MLX: variants seen among roughly 807,000 people sequenced by gnomAD.
MLX encodes MAX dimerization protein MLX.
Under a neutral mutation model 33.0 loss-of-function variants are expected in MLX, and 15 were observed. That is an observed-to-expected ratio of 0.45 (90% confidence interval 0.30 to 0.70). The LOEUF is 0.70. Among genes scored for constraint, MLX ranks in the 30% least tolerant of loss-of-function variants. The pLI is 0.07. For missense variants in MLX, 285 were observed against 306.3 expected (o/e 0.93, Z 0.52); for synonymous variants, 115 against 115.6 (o/e 0.99, Z 0.03).
chr17:42,569,125 G>A, intron 4 of MLX, 79 bp from the exon 5 acceptor site: 1 of 1,405,304 alleles, frequency 7.1e-7, no homozygotes, highest in Non-Finnish European at 1.0e-6. Context: ...CATAGAACTT[G>A]GTGTCATGGA....
At chr17:42,571,138 C>CTT (rs928314305) in intron 7 of MLX, among the ~76,000 whole-genome samples, 5,760 of 130,380 alleles carry the variant, frequency 0.044, 537 homozygotes, top group African/African-American at 0.16. Context: ...TTCCTGGGGG[C>CTT]TTTTTTTTTT....
chr17:42,567,389 A>AT, intron 1 of MLX: 1 of 1,404,212 alleles, frequency 7.1e-7, no homozygotes, highest in Non-Finnish European at 9.4e-7. Flanking sequence ...GGGGTGGAGT[A>AT]GGGGCGGAAG....
chr17:42,568,656 G>A (rs2093018913), intron 3 of MLX, 97 bp downstream of exon 3: 2 of 1,235,434 alleles, frequency 1.6e-6, no homozygotes, highest in Admixed American at 1.7e-5. Context: ...CCACACAGGG[G>A]TGCTGGAGCC....
rs182491703 is a variant in MLX at position 42,572,321 on chromosome 17, A to C, written c.*718A>C. On this transcript the variant is annotated 3_prime_UTR_variant, in exon 8 of 8. Coordinates refer to ENST00000435881, the MANE Select transcript of MLX (RefSeq NM_198204.2). ...GTATAACACAGCACTACATATTGGA[A>C]ATTTTTTATTTTTCTAAATACCAAT... 1 of 453,854 alleles carries C rather than the reference A, an allele frequency of 2.2e-6. No homozygotes were observed. The highest frequency in any genetic ancestry group is 6.9e-5 in the East Asian group (1 of 14,512). The allele number at this position is 453,854 out of a possible 1,614,324, so 28.1% of individuals were successfully genotyped here. A position where few individuals can be genotyped will look rare whatever the true frequency, so the allele number is the denominator to read the frequency against.
In MLX at chr17:42,571,570, C is replaced by T. The variant is rs531459737; in HGVS notation, c.702C>T (p.Gly234=). The T allele has an allele frequency of 5.6e-5, 91 of 1,614,130 alleles. 1 individual carries two copies. The South Asian group carries it at 8.2e-4, about 15-fold the overall frequency. Reference sequence around the variant, plus strand: ...AGACCCTGCGGGAGATTGTGATTGGCGTCCTGCACCAATTGAAAAACCAGC... The same window carrying T: ...AGACCCTGCGGGAGATTGTGATTGGTGTCCTGCACCAATTGAAAAACCAGC... ...KPQTLREIVI[G]VLHQLKNQLY The change falls in exon 8 of 8, where the codon GGC becomes GGT. Residue 234 remains glycine (G), a synonymous_variant. Coordinates refer to ENST00000435881, the MANE Select transcript of MLX (RefSeq NM_198204.2).
intron 7 of MLX, 42 bp from the exon 8 acceptor site, chr17:42,571,505 G>C (rs369535220): frequency 5.0e-6 from 8 of 1,604,824 alleles, no homozygotes; most frequent in Non-Finnish European, 6.8e-6. Context: ...ACTCTGCGTT[G>C]ACTTGGGCAT....
intron 2 of MLX, chr17:42,568,121 G>C (rs942869432): frequency 3.5e-5 from 7 of 199,034 alleles, no homozygotes; most frequent in Non-Finnish European, 6.3e-5. Context: ...CAGCACTTTG[G>C]GAGGCCGAGG....
In MLX at chr17:42,568,580, C is replaced by T. The variant is rs372159556; in HGVS notation, c.169+21C>T. ...CACAGGTAGGCAGTAACATCCCCCC[C>T]GACCTCGGGGGGCTCAGATATGTCA... On this transcript the variant is annotated intron_variant, in intron 3 of 7. Transcript: ENST00000435881. 49 of 1,594,784 alleles carry T rather than the reference C, an allele frequency of 3.1e-5. 1 individual carries two copies. Among genetic ancestry groups the T allele is most frequent in the East Asian group, 2.2e-5 (1 of 44,778 alleles).
intron 7 of MLX, 27 bp downstream of exon 7, chr17:42,570,210 C>T (rs1239185485): frequency 6.2e-7 from 1 of 1,608,132 alleles, no homozygotes; most frequent in Non-Finnish European, 8.5e-7. Context: ...GGCACAGGGT[C>T]TGCGGTTTTC....
At chr17:42,571,248 A>C (rs2093030925) in intron 7 of MLX, among the ~76,000 whole-genome samples, 1 of 147,370 alleles carries the variant, frequency 6.8e-6, no homozygotes. Context: ...GGCGATTCTC[A>C]TACCTCAGCC....
rs2143256755 is a variant in MLX, at chr17:42,569,507, C to G, written c.377C>G (p.Thr126Ser). 3 of 1,613,404 alleles carry G rather than the reference C, an allele frequency of 1.9e-6. No individual in the cohort carries two copies. In the East Asian group the frequency reaches 6.7e-5, roughly 36 times the overall value. ...KLSKAIVLQK[T>S]IDYIQFLHKE... ...CCTTTTTTTCTTGCCCCCACCCTAG[C>G]CATTGACTACATTCAGTTTTTGCAC... Residue 126 changes from threonine (T) to serine (S), a missense_variant and splice_region_variant, in exon 6 of 8, where the codon ACC (threonine) becomes AGC (serine). Coordinates refer to ENST00000435881, the MANE Select transcript of MLX (RefSeq NM_198204.2).
At position 42,570,183 on chromosome 17, in the gene MLX, G is replaced by A. The variant is rs1420960638; in HGVS notation, c.678G>A (p.Gln226=). The change falls in exon 7 of 8, where the codon CAG becomes CAA. Residue 226 remains glutamine (Q), a splice_region_variant and synonymous_variant. Coordinates refer to ENST00000435881, the MANE Select transcript of MLX (RefSeq NM_198204.2). ...GGATCGAGGAGCACTGTAAGCCTCA[G>A]GTATGGGGCAACAATAGGCACAGGG... ...FSWIEEHCKP[Q]TLREIVIGVL... is the part of the protein sequence containing the mutation. 6.2e-7 allele frequency: 1 copy of A among 1,613,522 alleles called. No individual in the cohort carries two copies. The highest frequency in any genetic ancestry group is 8.5e-7 in the Non-Finnish European group (1 of 1,179,988).
rs778956968 is a variant in MLX, at chr17:42,568,857, C to T, written c.190C>T (p.His64Tyr). 1.1e-5 allele frequency: 18 copies of T among 1,609,968 alleles called. No homozygotes were observed. Among genetic ancestry groups the T allele is most frequent in the African/African-American group, 2.7e-5 (2 of 74,790 alleles). The change falls in exon 4 of 8, where the codon CAC becomes TAC. Residue 64 changes from histidine (H) to tyrosine (Y), a missense_variant. By Grantham distance (83) the His-to-Tyr change is moderately conservative. Transcript: ENST00000435881. ...PNTDDEDSDYHQEAYKESYKD... is the reference protein window; with the variant it reads ...PNTDDEDSDYYQEAYKESYKD... ...CGTAGATGATGAGGACAGTGATTAC[C>T]ACCAGGAGGCCTACAAGGAGTCCTA...
chr17:42,570,034 G>T lies in MLX; in HGVS notation c.529G>T (p.Asp177Tyr), dbSNP rs777239344. 3.1e-6 allele frequency: 5 copies of T among 1,613,960 alleles called. No individual in the cohort carries two copies. In the African/African-American group the frequency reaches 6.7e-5, roughly 22 times the overall value. Reference sequence around the variant, plus strand: ...CCAGGACAACCCCCATGAAGGGGAGGACCAGGTCTCTGACCAGGTCAAGTT... The same window carrying T: ...CCAGGACAACCCCCATGAAGGGGAGTACCAGGTCTCTGACCAGGTCAAGTT... Reference protein sequence around the residue: ...AHQDNPHEGEDQVSDQVKFNV... With the variant: ...AHQDNPHEGEYQVSDQVKFNV... The change falls in exon 7 of 8, where the codon GAC becomes TAC. Residue 177 changes from aspartate (D) to tyrosine (Y), a missense_variant. Transcript: ENST00000435881.
At position 42,569,487 on chromosome 17, in the gene MLX, T is replaced by G; in HGVS notation, c.377-20T>G. The G allele has an allele frequency of 6.2e-7, 1 of 1,606,132 alleles. No individual in the cohort carries two copies. Among genetic ancestry groups the G allele is most frequent in the South Asian group, 1.1e-5 (1 of 90,898 alleles). ...GAGAATACTTCTGTACCTGTCCTTTTTTTCTTGCCCCCACCCTAGCCATTG... is the reference window on the plus strand; with the variant it reads ...GAGAATACTTCTGTACCTGTCCTTTGTTTCTTGCCCCCACCCTAGCCATTG... On this transcript the variant is annotated intron_variant, in intron 5 of 7. Transcript: ENST00000435881.
chr17:42,569,041 G>A, intron 4 of MLX, 98 bp downstream of exon 4: 1 of 1,353,224 alleles, frequency 7.4e-7, no homozygotes, highest in Non-Finnish European at 1.0e-6. Flanking sequence ...AGGCACCCTA[G>A]GGGGTGGGCA....
rs770780713 is a variant in MLX at position 42,569,503 on chromosome 17, C to G, written c.377-4C>G. The G allele has an allele frequency of 5.0e-6, 8 of 1,613,036 alleles. No individual in the cohort carries two copies. The highest frequency in any genetic ancestry group is 5.9e-6 in the Non-Finnish European group (7 of 1,179,154). ...CTGTCCTTTTTTTCTTGCCCCCACC[C>G]TAGCCATTGACTACATTCAGTTTTT... On this transcript the variant is annotated splice_polypyrimidine_tract_variant and splice_region_variant and intron_variant, in intron 5 of 7. Transcript: ENST00000435881.
chr17:42,571,006 AGAG>A (rs1379771673), intron 7 of MLX, among the ~76,000 whole-genome samples: 1 of 152,144 alleles, frequency 6.6e-6, no homozygotes, highest in Non-Finnish European at 1.5e-5. Flanking sequence ...TGCGATGTTG[AGAG>A]GAGTTCACAG....
At chr17:42,568,047 G>A (rs1252740679) in intron 2 of MLX, 3 of 269,026 alleles carry the variant, frequency 1.1e-5, no homozygotes, top group East Asian at 8.3e-5. Context: ...TGGGTTGAAG[G>A]GAAGAGGTCA....
Sources: gnomAD v4.1 joint callset for allele counts (sites outside exome capture counted in the v4.1 genomes callset) on GRCh38, gnomAD v4.1.1 for gene constraint, MANE v1.5 for transcripts, NCBI Gene and HGNC (gene_info 2026-07-23, HGNC 2026-07-21) for gene names.